The following SORCS2 variants were observed in gnomAD, a reference collection of about 807,000 sequenced individuals.
SORCS2 encodes VPS10 domain-containing receptor SorCS2.
In SORCS2, 100 loss-of-function variants were observed where a neutral mutation model predicts 141.6. The ratio of observed to expected loss-of-function variants is 0.71; its 90% CI spans 0.60 to 0.83. SORCS2 has a LOEUF of 0.83. Among genes scored for constraint, SORCS2 ranks in the 40% least tolerant of loss-of-function variants. The probability of loss-of-function intolerance (pLI) is 0.00; values close to 1 mark genes in which losing one functional copy is unlikely to be tolerated. For missense variants in SORCS2, 1,646 were observed against 1,560.2 expected, an observed-to-expected ratio of 1.05 and a Z score of -0.93; for synonymous variants, 789 against 676.9, an observed-to-expected ratio of 1.17 and a Z score of -2.57.
intron 3 of SORCS2, among the ~76,000 whole-genome samples, chr4:7,621,597 CTA>C (rs1475031538): frequency 3.3e-5 from 5 of 151,740 alleles, no homozygotes; most frequent in Non-Finnish European, 7.4e-5. Context: ...ATGTGTGTGT[CTA>C]TGTGTGTGTA....
Position 7,233,188 on chromosome 4 carries a change from AACGGC to A in SORCS2, c.480+40069_480+40073del, listed in dbSNP as rs139652135. ...AGGTACTGTCACTGCAGGCAGCAGG[AACGGC>A]ACGGCAGAGGGAGCCTTCCAGAGCA... On this transcript the variant is annotated intron_variant, in intron 1 of 26. Coordinates refer to ENST00000507866, the MANE Select transcript of SORCS2 (RefSeq NM_020777.3). The surrounding 1 kb of genome is among the most constrained non-coding windows in gnomAD (Gnocchi z 4.5). Among the ~76,000 whole-genome samples the A allele has an allele frequency of 1.6e-4, 24 of 152,268 alleles. No homozygotes were observed. The East Asian group carries it at 4.2e-3, about 27-fold the overall frequency.
intron 2 of SORCS2, among the ~76,000 whole-genome samples, chr4:7,471,630 G>A (rs1729984204): frequency 6.6e-6 from 1 of 152,256 alleles, no homozygotes; most frequent in Non-Finnish European, 1.5e-5. Flanking sequence ...GACACAGGGA[G>A]AGGGTGGAAC....
At chr4:7,528,341 G>A (rs1464710678) in intron 2 of SORCS2, among the ~76,000 whole-genome samples, 1 of 152,002 alleles carries the variant, frequency 6.6e-6, no homozygotes, top group East Asian at 1.9e-4. Context: ...GTGGATATCT[G>A]AGGAATTGGG....
intron 1 of SORCS2, among the ~76,000 whole-genome samples, chr4:7,343,945 T>C (rs959762722): frequency 3.7e-4 from 56 of 152,204 alleles, no homozygotes; most frequent in African/African-American, 1.2e-3. Flanking sequence ...GGGTGCTTCC[T>C]GTGCTCCCCT....
At chr4:7,695,264 ATGGGTGGG>A (rs1724524429) in intron 11 of SORCS2, among the ~76,000 whole-genome samples, 1 of 112,564 alleles carries the variant, frequency 8.9e-6, no homozygotes, top group Non-Finnish European at 1.8e-5. Context: ...GGTTAGATGG[ATGGGTGGG>A]TGGATGGATG....
At chr4:7,393,123 T>C (rs1432380258) in intron 1 of SORCS2, among the ~76,000 whole-genome samples, 2 of 152,142 alleles carry the variant, frequency 1.3e-5, no homozygotes, top group African/African-American at 2.4e-5. Flanking sequence ...TTTGAAGTGA[T>C]GAGTGGCAGC....
At chr4:7,725,668 G>C (rs1727168588) in intron 20 of SORCS2, among the ~76,000 whole-genome samples, 1 of 152,212 alleles carries the variant, frequency 6.6e-6, no homozygotes, top group Non-Finnish European at 1.5e-5. Context: ...AAGAGGTCAA[G>C]GGGGCTCAGA....
intron 2 of SORCS2, among the ~76,000 whole-genome samples, chr4:7,504,690 G>T (rs1417672144): frequency 2.0e-5 from 3 of 152,210 alleles, no homozygotes; most frequent in Admixed American, 1.3e-4. Context: ...GCTATATGCT[G>T]TCGCTATCAC....
chr4:7,276,816 C>T (rs1715529313), intron 1 of SORCS2, among the ~76,000 whole-genome samples: 1 of 152,158 alleles, frequency 6.6e-6, no homozygotes, highest in South Asian at 2.1e-4. Flanking sequence ...AGAAGAGCTT[C>T]CATTCATCAC....
intron 3 of SORCS2, among the ~76,000 whole-genome samples, chr4:7,548,120 G>C (rs986562328): frequency 6.6e-6 from 1 of 152,164 alleles, no homozygotes; most frequent in Non-Finnish European, 1.5e-5. Context: ...ACTTTTCCTT[G>C]GTTAGAATTG....
Position 7,435,198 on chromosome 4 carries a change from C to G in SORCS2, c.548+38843C>G, listed in dbSNP as rs550816295. On this transcript the variant is annotated intron_variant, in intron 2 of 26. Coordinates refer to ENST00000507866, the MANE Select transcript of SORCS2 (RefSeq NM_020777.3). The stretch of plus-strand genomic sequence containing the variant: ...CTGGGCTGTGTCCCCCACCCTCCCC[C>G]TGCTGCAGTAGTTCCTGGGGTTCCC... Among the ~76,000 whole-genome samples the G allele has an allele frequency of 8.7e-4, 133 of 152,170 alleles. 4 individuals carry two copies. Among genetic ancestry groups the G allele is most frequent in the Admixed American group, 9.8e-4 (15 of 15,288 alleles).
At chr4:7,715,799 G>T (rs1454461587) in intron 17 of SORCS2, among the ~76,000 whole-genome samples, 7 of 152,168 alleles carry the variant, frequency 4.6e-5, no homozygotes, top group Non-Finnish European at 7.3e-5. Context: ...CTGCCTGCAG[G>T]TCTCAGCTTA....
At chr4:7,296,171 T>C (rs559706365) in intron 1 of SORCS2, among the ~76,000 whole-genome samples, 176 of 152,366 alleles carry the variant, frequency 1.2e-3, no homozygotes, top group African/African-American at 3.7e-3. Flanking sequence ...CTGTGGCTCC[T>C]TGGGGTGCTC....
chr4:7,651,394 C>T (rs1441321200), intron 4 of SORCS2, among the ~76,000 whole-genome samples: 1 of 152,172 alleles, frequency 6.6e-6, no homozygotes. Flanking sequence ...CCCAGGCTTC[C>T]TGGCATTGCT....
chr4:7,369,506 G>A (rs191927667), intron 1 of SORCS2, among the ~76,000 whole-genome samples: 12 of 152,216 alleles, frequency 7.9e-5, no homozygotes, highest in South Asian at 4.1e-4. Context: ...GCACAGAGCC[G>A]TATTTGCTAA....
chr4:7,198,334 TTGAAGCCTCG>T (rs1278841157), intron 1 of SORCS2, among the ~76,000 whole-genome samples: 1 of 152,210 alleles, frequency 6.6e-6, no homozygotes, highest in Admixed American at 6.5e-5. Context: ...CAAAGCTGAC[TTGAAGCCTCG>T]TGTCCGATGC....
At chr4:7,319,063 AGTTT>A (rs955452368) in intron 1 of SORCS2, among the ~76,000 whole-genome samples, 2 of 152,174 alleles carry the variant, frequency 1.3e-5, no homozygotes, top group African/African-American at 4.8e-5. Context: ...GTGGGTCAGT[AGTTT>A]GTTCTTTTTT....
chr4:7,507,428 C>T (rs546245081), intron 2 of SORCS2, among the ~76,000 whole-genome samples: 1 of 152,182 alleles, frequency 6.6e-6, no homozygotes, highest in Non-Finnish European at 1.5e-5. Context: ...CCCCCCTCGG[C>T]CTCCCAAAGT....
intron 1 of SORCS2, among the ~76,000 whole-genome samples, chr4:7,377,491 C>A (rs1341507770): frequency 1.3e-5 from 2 of 152,256 alleles, no homozygotes; most frequent in African/African-American, 2.4e-5. Context: ...AAAGCCGAGA[C>A]CACATCCTGA....
Sources: allele counts gnomAD v4.1 joint callset (sites outside exome capture counted in the v4.1 genomes callset), GRCh38; gene constraint gnomAD v4.1.1; non-coding constraint Gnocchi (gnomAD v3.1); transcripts MANE v1.5; gene names NCBI Gene and HGNC (gene_info 2026-07-23, HGNC 2026-07-21).